Variants in FAM118B observed in about 807,000 individuals in gnomAD.
FAM118B encodes the protein protein FAM118B.
A neutral mutation model predicts 38.5 loss-of-function variants in FAM118B; 24 were observed. That is an observed-to-expected ratio of 0.62 (90% CI 0.45 to 0.88). The LOEUF is 0.88. FAM118B is among the 40% of genes least tolerant of loss of function. The pLI is 0.00. For synonymous variants in FAM118B, 138 were observed against 156.3 expected, an observed-to-expected ratio of 0.88 and a Z score of 0.87; for missense variants, 334 against 420.0, an observed-to-expected ratio of 0.80 and a Z score of 1.79.
intron 4 of FAM118B, among the ~76,000 whole-genome samples, chr11:126,247,368 A>T (rs1289823770): frequency 6.6e-6 from 1 of 152,172 alleles, no homozygotes; most frequent in African/African-American, 2.4e-5. Context: ...TCCTATGTTG[A>T]TATGTAGGAT....
chr11:126,219,663 C>G (rs981242796), intron 1 of FAM118B, among the ~76,000 whole-genome samples: 2 of 152,006 alleles, frequency 1.3e-5, no homozygotes, highest in Non-Finnish European at 2.9e-5. Flanking sequence ...GTTGCCAGAA[C>G]TTAGTACTTC....
At chr11:126,232,668 T>A (rs1198593521) in intron 2 of FAM118B, among the ~76,000 whole-genome samples, 2 of 151,784 alleles carry the variant, frequency 1.3e-5, no homozygotes, top group African/African-American at 2.4e-5. Context: ...ACTTAAAAAA[T>A]ATATTTTTTT....
intron 1 of FAM118B, among the ~76,000 whole-genome samples, chr11:126,219,349 C>CTTTTTTTTTTTTTTTTTTTTTTTTTTTTT (rs549922825): frequency 9.0e-5 from 4 of 44,466 alleles, no homozygotes; most frequent in Admixed American, 3.3e-4. Context: ...TCTTGTTTAT[C>CTTTTTTTTTTTTTTTTTTTTTTTTTTTTT]TTTTTTTTTT....
intron 1 of FAM118B, among the ~76,000 whole-genome samples, chr11:126,227,319 C>T (rs940439252): frequency 5.3e-5 from 8 of 152,102 alleles, no homozygotes; most frequent in African/African-American, 1.7e-4. Flanking sequence ...TGCTTGGCCT[C>T]CCAAAGTGCT....
chr11:126,243,687 T>C (rs1189542439), intron 4 of FAM118B, among the ~76,000 whole-genome samples: 1 of 151,974 alleles, frequency 6.6e-6, no homozygotes, highest in Non-Finnish European at 1.5e-5. Context: ...GCAGATCACT[T>C]GAGGTCAGGA....
rs766949674 is a variant in FAM118B, at chr11:126,250,749, T to C, written c.567+16T>C. The C allele has an allele frequency of 1.1e-5, 17 of 1,565,450 alleles. No homozygotes were observed. Among genetic ancestry groups the C allele is most frequent in the South Asian group, 1.1e-5 (1 of 89,176 alleles). ...TGAGAAAAAGGTAAAAAGTAAAGCATTGGTCCCTTCTTCAGGCTAGTGGAT... is the reference window on the plus strand; with the variant it reads ...TGAGAAAAAGGTAAAAAGTAAAGCACTGGTCCCTTCTTCAGGCTAGTGGAT... On this transcript the variant is annotated intron_variant, in intron 5 of 8. Transcript: ENST00000533050. The surrounding 1 kb of genome is among the most constrained non-coding windows in gnomAD (Gnocchi z 5.1).
At chr11:126,224,675 T>G (rs984018629) in intron 1 of FAM118B, among the ~76,000 whole-genome samples, 2 of 151,958 alleles carry the variant, frequency 1.3e-5, no homozygotes, top group Admixed American at 6.6e-5. Context: ...TACAGATACA[T>G]AGAGAAAGAA....
rs1950348528 is a variant in FAM118B, at chr11:126,240,943, G to T, written c.238G>T (p.Asp80Tyr). ...CTTACTGGATGCTGCCATTGATTTT[G>T]ATCTTTTAGAAGATGAGGAGAGCAA... ...QALLDAAIDF[D>Y]LLEDEESKKF... is the part of the protein sequence containing the mutation. Residue 80 changes from aspartate to tyrosine, a missense_variant, in exon 4 of 9, where the codon GAT (aspartate) becomes TAT (tyrosine). Physicochemically the swap from Asp to Tyr is radical, Grantham distance 160 (BLOSUM62 -3). Around this residue, in one of 3 missense-constraint regions of FAM118B, gnomAD observed 240 missense variants for 295.9 expected, o/e 0.81. Coordinates refer to ENST00000533050, the MANE Select transcript of FAM118B (RefSeq NM_024556.4). The T allele has an allele frequency of 6.2e-7, 1 of 1,614,138 alleles. No homozygotes were observed. Among genetic ancestry groups the T allele is most frequent in the Non-Finnish European group, 8.5e-7 (1 of 1,180,024 alleles).
At position 126,211,814 on chromosome 11, in the gene FAM118B, C is replaced by G. The variant is rs1166601219; in HGVS notation, c.-93C>G. On this transcript the variant is annotated 5_prime_UTR_variant, in exon 1 of 9. Transcript: ENST00000533050. The stretch of plus-strand genomic sequence containing the variant: ...CCGGTAGCTGCAGCTGGAGCAGTGG[C>G]GTTTGGAGGAGACTCGGTGAGTGTG... The G allele has an allele frequency of 3.0e-6, 2 of 658,400 alleles. No individual in the cohort carries two copies. Among genetic ancestry groups the G allele is most frequent in the East Asian group, 2.8e-5 (1 of 36,162 alleles). The allele number at this position is 658,400 out of a possible 1,614,324, so 40.8% of individuals were successfully genotyped here.
At chr11:126,241,096 A>C in intron 4 of FAM118B, 52 bp downstream of exon 4, 1 of 1,502,894 alleles carries the variant, frequency 6.7e-7, no homozygotes, top group South Asian at 1.4e-5. Context: ...AAATTTAACT[A>C]TCACAACTAG....
chr11:126,256,911 G>A lies in FAM118B; in HGVS notation c.982+59G>A, dbSNP rs1950587543. On this transcript the variant is annotated intron_variant, in intron 7 of 8. Coordinates refer to ENST00000533050, the MANE Select transcript of FAM118B (RefSeq NM_024556.4). This position sits in a 1 kb window ranked among gnomAD's most constrained non-coding sequence, Gnocchi z 6.6. Reference sequence around the variant, plus strand: ...GAACAACAGCTCTTCAGCCTTTTGTGTATTTGTGATGTGATGGGCAAAATA... The same window carrying A: ...GAACAACAGCTCTTCAGCCTTTTGTATATTTGTGATGTGATGGGCAAAATA... 6.6e-7 allele frequency: 1 copy of A among 1,517,534 alleles called. No homozygotes were observed. Among genetic ancestry groups the A allele is most frequent in the Admixed American group, 2.0e-5 (1 of 50,906 alleles). The allele number at this position is 1,517,534 out of a possible 1,614,324, so 94.0% of individuals were successfully genotyped here. A position where few individuals can be genotyped will look rare whatever the true frequency, so the allele number is the denominator to read the frequency against.
chr11:126,225,497 C>T (rs552718758), intron 1 of FAM118B, among the ~76,000 whole-genome samples: 44 of 152,318 alleles, frequency 2.9e-4, no homozygotes, highest in African/African-American at 9.4e-4. Context: ...CCAGTGAGAT[C>T]GCTAGAGCTG....
At position 126,250,099 on chromosome 11, in the gene FAM118B, T is replaced by C. The variant is rs1950478552; in HGVS notation, c.340-407T>C. Among the ~76,000 whole-genome samples, 1 of 151,680 alleles carries C rather than the reference T, an allele frequency of 6.6e-6. No individual in the cohort carries two copies. Among genetic ancestry groups the C allele is most frequent in the African/African-American group, 2.4e-5 (1 of 41,280 alleles). ...TAATATTTTATCCCCGGGATTTTTT[T>C]TTTTTTTTTTGAGATGGAGTCTCGC... On this transcript the variant is annotated intron_variant, in intron 4 of 8. Coordinates refer to ENST00000533050, the MANE Select transcript of FAM118B (RefSeq NM_024556.4). The surrounding 1 kb of genome is among the most constrained non-coding windows in gnomAD (Gnocchi z 5.1).
In FAM118B at chr11:126,222,786, A is replaced by G. The variant is rs142033592; in HGVS notation, c.-76-6439A>G. 3.1e-3 allele frequency among the ~76,000 whole-genome samples: 476 copies of G among 152,340 alleles called. 1 individual carries two copies. The highest frequency in any genetic ancestry group is 0.011 in the African/African-American group (454 of 41,568). On this transcript the variant is annotated intron_variant, in intron 1 of 8. Transcript: ENST00000533050. ...CACTCATTCCATCAGCGAATGTTTG[A>G]ACTTCTTCTGCACCGTATACACACT...
intron 2 of FAM118B, chr11:126,233,833 A>G (rs1950238103): frequency 2.4e-6 from 1 of 422,496 alleles, no homozygotes; most frequent in Non-Finnish European, 4.6e-6. Context: ...CTGTAATCCC[A>G]ACATTTTGGG....
rs1565330719 is a variant in FAM118B at position 126,235,058 on chromosome 11, C to T, written c.57C>T (p.Asn19=). ...SDIDEIFGFF[N]DGEPPTKKPR... Reference sequence around the variant, plus strand: ...TAGACGAGATTTTTGGATTCTTCAACGATGGCGAACCTCCCACCAAAAAGC... The same window carrying T: ...TAGACGAGATTTTTGGATTCTTCAATGATGGCGAACCTCCCACCAAAAAGC... The change falls in exon 3 of 9, where the codon AAC becomes AAT. Residue 19 remains asparagine (N), a synonymous_variant. Transcript: ENST00000533050. 22 of 1,614,064 alleles carry T rather than the reference C, an allele frequency of 1.4e-5. No individual in the cohort carries two copies. Among genetic ancestry groups the T allele is most frequent in the South Asian group, 2.2e-5 (2 of 91,076 alleles).
rs1950557883 is a variant in FAM118B at position 126,255,137 on chromosome 11, G to T, written c.696+704G>T. 6.6e-6 allele frequency among the ~76,000 whole-genome samples: 1 copy of T among 152,136 alleles called. No individual in the cohort carries two copies. The highest frequency in any genetic ancestry group is 2.1e-4 in the South Asian group (1 of 4,828). ...ATTCTAAAGAGACTTTGTATAAATG[G>T]CAATGGGCTTATATTGAATTAACCA... On this transcript the variant is annotated intron_variant, in intron 6 of 8. Coordinates refer to ENST00000533050, the MANE Select transcript of FAM118B (RefSeq NM_024556.4). The surrounding 1 kb of genome is among the most constrained non-coding windows in gnomAD (Gnocchi z 4.6).
At chr11:126,235,378 T>A (rs1185466658) in intron 3 of FAM118B, among the ~76,000 whole-genome samples, 1 of 152,150 alleles carries the variant, frequency 6.6e-6, no homozygotes, top group African/African-American at 2.4e-5. Flanking sequence ...CTATATATAT[T>A]GCTGCTTTTT....
chr11:126,219,590 T>C (rs1014690010), intron 1 of FAM118B, among the ~76,000 whole-genome samples: 3 of 152,096 alleles, frequency 2.0e-5, no homozygotes, highest in South Asian at 4.2e-4. Flanking sequence ...AGAGTCAAAT[T>C]AACAGAGTAC....
Sources: allele counts gnomAD v4.1 joint callset (sites outside exome capture counted in the v4.1 genomes callset), GRCh38; gene constraint gnomAD v4.1.1; regional missense constraint gnomAD v4.1.1; non-coding constraint Gnocchi (gnomAD v3.1); transcripts MANE v1.5; gene names NCBI Gene and HGNC (gene_info 2026-07-23, HGNC 2026-07-21).